Variants in PITPNM2 observed in about 807,000 individuals in gnomAD.
The protein encoded by PITPNM2 is membrane-associated phosphatidylinositol transfer protein 2.
PITPNM2 carries 35 observed loss-of-function variants against 132.2 expected under a neutral mutation model. The observed-to-expected ratio is 0.26, with a 90% confidence interval of 0.20 to 0.35. PITPNM2 has a LOEUF of 0.35. PITPNM2 is among the 10% of genes least tolerant of loss of function. The pLI, the probability that PITPNM2 is intolerant of heterozygous loss-of-function variation, is 1.00. For missense variants in PITPNM2, 1,332 were observed against 1,912.0 expected (o/e 0.70, Z 5.66); for synonymous variants, 738 against 799.2 (o/e 0.92, Z 1.29).
chr12:123,016,197 A>G (rs2039417876), intron 3 of PITPNM2, among the ~76,000 whole-genome samples: 1 of 151,476 alleles, frequency 6.6e-6, no homozygotes, highest in South Asian at 2.1e-4. Flanking sequence ...GTGGTGGCAC[A>G]CTCCTGTAAT....
At chr12:123,079,127 T>G (rs1466556226) in intron 2 of PITPNM2, among the ~76,000 whole-genome samples, 1 of 151,982 alleles carries the variant, frequency 6.6e-6, no homozygotes, top group African/African-American at 2.4e-5. Flanking sequence ...GGAGCTGCGG[T>G]CTCCTTAGGG....
At chr12:123,138,228 C>T (rs2043425091) in intron 1 of PITPNM2, among the ~76,000 whole-genome samples, 2 of 152,242 alleles carry the variant, frequency 1.3e-5, no homozygotes, top group Middle Eastern at 3.4e-3. Flanking sequence ...GGGTGGATCG[C>T]TTGAGCTCAG....
intron 1 of PITPNM2, among the ~76,000 whole-genome samples, chr12:123,115,541 G>T (rs866603266): frequency 6.6e-6 from 1 of 151,398 alleles, no homozygotes; most frequent in African/African-American, 2.4e-5. Context: ...ATACGCGCCC[G>T]CACACACACA....
intron 2 of PITPNM2, among the ~76,000 whole-genome samples, chr12:123,098,031 A>G (rs1435594050): frequency 6.6e-6 from 1 of 152,230 alleles, no homozygotes; most frequent in African/African-American, 2.4e-5. Flanking sequence ...TGTGCTAATC[A>G]GAGCAGACAG....
chr12:123,102,524 A>T (rs1404645008), intron 2 of PITPNM2, among the ~76,000 whole-genome samples: 2 of 152,212 alleles, frequency 1.3e-5, no homozygotes, highest in Non-Finnish European at 2.9e-5. Flanking sequence ...CCTTTGGCCT[A>T]TAGATTCAGC....
intron 2 of PITPNM2, among the ~76,000 whole-genome samples, chr12:123,101,996 A>C (rs2042575149): frequency 6.6e-6 from 1 of 152,242 alleles, no homozygotes; most frequent in African/African-American, 2.4e-5. Context: ...CCTGGGTGAC[A>C]GAGTGATCTT....
chr12:123,118,730 G>A (rs915120391), intron 1 of PITPNM2, among the ~76,000 whole-genome samples: 5 of 152,180 alleles, frequency 3.3e-5, no homozygotes, highest in African/African-American at 1.2e-4. Flanking sequence ...TTGCAGCCCC[G>A]CCTGCGGCCT....
At chr12:123,115,885 G>A (rs911140047) in intron 1 of PITPNM2, among the ~76,000 whole-genome samples, 4 of 152,236 alleles carry the variant, frequency 2.6e-5, no homozygotes, top group Non-Finnish European at 5.9e-5. Context: ...TTCTCCAAGG[G>A]AGGGAACAGT....
intron 2 of PITPNM2, among the ~76,000 whole-genome samples, chr12:123,054,772 A>G (rs375275622): frequency 6.6e-6 from 1 of 152,226 alleles, no homozygotes; most frequent in Non-Finnish European, 1.5e-5. Flanking sequence ...GGGCAGAAAG[A>G]TACATTTATG....
chr12:123,045,113 G>A (rs1006411054), intron 2 of PITPNM2, among the ~76,000 whole-genome samples: 1 of 152,092 alleles, frequency 6.6e-6, no homozygotes, highest in Non-Finnish European at 1.5e-5. Flanking sequence ...ACCTTCTCCC[G>A]AAATGCTCCC....
chr12:123,049,815 C>T (rs1470476178), intron 2 of PITPNM2, among the ~76,000 whole-genome samples: 2 of 152,186 alleles, frequency 1.3e-5, no homozygotes, highest in Non-Finnish European at 2.9e-5. Context: ...AAGATAACAC[C>T]TTTCATTTGT....
At position 123,000,981 on chromosome 12, in the gene PITPNM2, T is replaced by C; in HGVS notation, c.1153+73A>G. ...TGTATGCCCAGCACTGTGCAGAAGCTGGTCAGAAAGGAGGGGGCTGAAGCC... is the reference window on the plus strand; with the variant it reads ...TGTATGCCCAGCACTGTGCAGAAGCCGGTCAGAAAGGAGGGGGCTGAAGCC... On this transcript the variant is annotated intron_variant, in intron 9 of 25. Transcript: ENST00000320201. The surrounding 1 kb of genome is among the most constrained non-coding windows in gnomAD (Gnocchi z 5.4). 1.9e-6 allele frequency: 3 copies of C among 1,541,580 alleles called. No homozygotes were observed. The highest frequency in any genetic ancestry group is 2.7e-6 in the Non-Finnish European group (3 of 1,114,636).
rs1051202067 is a variant in PITPNM2 at position 123,150,797 on chromosome 12, C to G, written c.-244G>C. The stretch of plus-strand genomic sequence containing the variant: ...GGCTCTGTCCTCTTCGGGGCCCCGG[C>G]TGGGCCGCCGCCACCTCACGCCGCC... On this transcript the variant is annotated 5_prime_UTR_variant, in exon 1 of 26. Transcript: ENST00000320201. The surrounding 1 kb of genome is among the most constrained non-coding windows in gnomAD (Gnocchi z 6.0). Among the ~76,000 whole-genome samples, 4 of 147,968 alleles carry G rather than the reference C, an allele frequency of 2.7e-5. No homozygotes were observed. The highest frequency in any genetic ancestry group is 2.7e-4 in the Admixed American group (4 of 14,894).
intron 2 of PITPNM2, chr12:123,090,169 A>C (rs2042218933): frequency 6.6e-6 from 1 of 152,198 alleles, no homozygotes; most frequent in Non-Finnish European, 1.5e-5. Context: ...AGTCATCTGA[A>C]GGTTTGGCTG....
rs2039742455 is a variant in PITPNM2 at position 123,023,330 on chromosome 12, A to C, written c.79-9288T>G. ...TGGCGTGTGTGTGCATGCAGGAGCCAAGGCCCATGGATTCAGGGCTCTTCT... is the reference window on the plus strand; with the variant it reads ...TGGCGTGTGTGTGCATGCAGGAGCCCAGGCCCATGGATTCAGGGCTCTTCT... On this transcript the variant is annotated intron_variant, in intron 3 of 25. Coordinates refer to ENST00000320201, the MANE Select transcript of PITPNM2 (RefSeq NM_020845.3). The surrounding 1 kb of genome is among the most constrained non-coding windows in gnomAD (Gnocchi z 4.8). 6.6e-6 allele frequency among the ~76,000 whole-genome samples: 1 copy of C among 152,214 alleles called. No homozygotes were observed. The highest frequency in any genetic ancestry group is 6.5e-5 in the Admixed American group (1 of 15,292).
At chr12:123,073,234 C>A (rs554601313) in intron 2 of PITPNM2, among the ~76,000 whole-genome samples, 162 of 152,310 alleles carry the variant, frequency 1.1e-3, no homozygotes, top group African/African-American at 3.7e-3. Flanking sequence ...CATATAGTCT[C>A]TAAGCTACGG....
rs149214332 is a variant in PITPNM2 at position 123,014,761 on chromosome 12, A to G, written c.79-719T>C. ...AGAATAAGAGGCATCCAAATTGGAAAGATAGAAGTAAAACTATTTCGATTT... is the reference window on the plus strand; with the variant it reads ...AGAATAAGAGGCATCCAAATTGGAAGGATAGAAGTAAAACTATTTCGATTT... On this transcript the variant is annotated intron_variant, in intron 3 of 25. Transcript: ENST00000320201. 7.9e-5 allele frequency among the ~76,000 whole-genome samples: 12 copies of G among 152,336 alleles called. No individual in the cohort carries two copies. In the East Asian group the frequency reaches 2.1e-3, roughly 27 times the overall value.
chr12:123,090,878 C>T (rs2042242566), intron 2 of PITPNM2: 1 of 152,298 alleles, frequency 6.6e-6, no homozygotes, highest in Non-Finnish European at 1.5e-5. Flanking sequence ...CTTTCAACCT[C>T]AAGACAGCCC....
chr12:123,095,563 A>G lies in PITPNM2; in HGVS notation c.-96+14822T>C, dbSNP rs1407746853. ...ATGAAGTGAGACGAAGTGTCTTCCA[A>G]TACACACATCGGAGTGTGTCACTTC... On this transcript the variant is annotated intron_variant, in intron 2 of 25. Transcript: ENST00000320201. This position sits in a 1 kb window ranked among gnomAD's most constrained non-coding sequence, Gnocchi z 5.0. Among the ~76,000 whole-genome samples the G allele has an allele frequency of 6.6e-6, 1 of 152,104 alleles. No individual in the cohort carries two copies. Among genetic ancestry groups the G allele is most frequent in the Non-Finnish European group, 1.5e-5 (1 of 67,996 alleles).
Sources: gnomAD v4.1 joint callset for allele counts (sites outside exome capture counted in the v4.1 genomes callset) on GRCh38, gnomAD v4.1.1 for gene constraint, Gnocchi (gnomAD v3.1) non-coding constraint, MANE v1.5 for transcripts, NCBI Gene and HGNC (gene_info 2026-07-23, HGNC 2026-07-21) for gene names.